MED13L: variants seen among roughly 807,000 people sequenced by gnomAD.
The protein encoded by MED13L is mediator complex subunit 13L.
A neutral mutation model predicts 220.9 loss-of-function variants in MED13L; 7 were observed. The observed-to-expected ratio is 0.03, with a 90% confidence interval of 0.02 to 0.06. The LOEUF (loss-of-function observed/expected upper bound fraction) is 0.06. Among genes scored for constraint, MED13L ranks in the 10% least tolerant of loss-of-function variants. The pLI, the probability that MED13L is intolerant of heterozygous loss-of-function variation, is 1.00. For synonymous variants in MED13L, 1,011 were observed against 1,015.2 expected (o/e 1.00, Z 0.08); for missense variants, 1,965 against 2,760.5 (o/e 0.71, Z 6.46).
At chr12:115,982,362 T>C in intron 22 of MED13L, 22 bp downstream of exon 22, 1 of 1,581,890 alleles carries the variant, frequency 6.3e-7, no homozygotes, top group Non-Finnish European at 8.7e-7. Flanking sequence ...CAAAAGTAAA[T>C]AATAAACTTG....
At chr12:116,119,710 C>A (rs1417356936) in intron 2 of MED13L, among the ~76,000 whole-genome samples, 1 of 148,370 alleles carries the variant, frequency 6.7e-6, no homozygotes, top group Non-Finnish European at 1.5e-5. Context: ...GAGGCTGAGG[C>A]AGAAGGCTCA....
chr12:116,210,792 T>C (rs953085191), intron 2 of MED13L, among the ~76,000 whole-genome samples: 33 of 151,790 alleles, frequency 2.2e-4, no homozygotes, highest in African/African-American at 7.3e-4. Flanking sequence ...TGCCTGAGTT[T>C]AGGGAAAATG....
intron 7 of MED13L, among the ~76,000 whole-genome samples, chr12:116,015,871 G>C (rs1048309890): frequency 6.6e-6 from 1 of 152,234 alleles, no homozygotes; most frequent in Non-Finnish European, 1.5e-5. Context: ...TTAGTACTAC[G>C]ACACTGAAAG....
chr12:116,003,951 C>T (rs1878897529), intron 13 of MED13L, among the ~76,000 whole-genome samples: 1 of 152,170 alleles, frequency 6.6e-6, no homozygotes, highest in African/African-American at 2.4e-5. Flanking sequence ...AAAGCAAAAA[C>T]ACTCAGAGAA....
intron 2 of MED13L, among the ~76,000 whole-genome samples, chr12:116,175,277 T>C (rs746816711): frequency 2.0e-5 from 3 of 152,152 alleles, no homozygotes; most frequent in Non-Finnish European, 4.4e-5. Context: ...ATAATTTCAA[T>C]ACATATTAAC....
intron 4 of MED13L, among the ~76,000 whole-genome samples, chr12:116,025,256 AGAG>A (rs1880318254): frequency 6.6e-6 from 1 of 152,230 alleles, no homozygotes; most frequent in Non-Finnish European, 1.5e-5. Context: ...TGCAAAGAAA[AGAG>A]GACCTTTATA....
chr12:116,259,631 A>G (rs1872346646), intron 1 of MED13L, among the ~76,000 whole-genome samples: 2 of 152,328 alleles, frequency 1.3e-5, no homozygotes, highest in Admixed American at 1.3e-4. Context: ...ATGGGTGTTC[A>G]TTGTACCATG....
At chr12:116,056,554 A>C (rs1002090433) in intron 4 of MED13L, among the ~76,000 whole-genome samples, 1 of 152,136 alleles carries the variant, frequency 6.6e-6, no homozygotes, top group African/African-American at 2.4e-5. Context: ...AAATTTCTTT[A>C]TTCATAATAG....
intron 2 of MED13L, among the ~76,000 whole-genome samples, chr12:116,165,137 G>A (rs1236217866): frequency 6.6e-6 from 1 of 151,746 alleles, no homozygotes; most frequent in African/African-American, 2.4e-5. Context: ...AACTTCGGAA[G>A]AACTGACATT....
Position 115,982,486 on chromosome 12 carries a change from C to T in MED13L, c.5073G>A (p.Glu1691=), listed in dbSNP as rs1325440223. ...GCCAAAAGTTCCCAGAAGTGGAGTC[C>T]TCCTCTGCAGCATACGTGAACGGGT... is the stretch of plus-strand genomic sequence containing the variant. ...MVDPFTYAAE[E]DSTSGNFWLL... is the part of the protein sequence containing the mutation. Residue 1691 remains glutamate (E), a synonymous_variant, in exon 22 of 31, where the codon GAG becomes GAA. Coordinates refer to ENST00000281928, the MANE Select transcript of MED13L (RefSeq NM_015335.5). 5 of 1,613,986 alleles carry T rather than the reference C, an allele frequency of 3.1e-6. No individual in the cohort carries two copies. Among genetic ancestry groups the T allele is most frequent in the Non-Finnish European group, 4.2e-6 (5 of 1,179,992 alleles).
intron 1 of MED13L, among the ~76,000 whole-genome samples, chr12:116,244,505 C>T (rs998659986): frequency 2.0e-5 from 3 of 152,108 alleles, no homozygotes; most frequent in Admixed American, 6.6e-5. Flanking sequence ...ATTTACAATA[C>T]GTAAGAAAAC....
chr12:116,040,803 A>G (rs1329529837), intron 4 of MED13L, among the ~76,000 whole-genome samples: 1 of 152,136 alleles, frequency 6.6e-6, no homozygotes, highest in Non-Finnish European at 1.5e-5. Flanking sequence ...CTCAAAAAAA[A>G]AAAAAAAATG....
intron 4 of MED13L, among the ~76,000 whole-genome samples, chr12:116,034,722 A>T (rs961463243): frequency 1.2e-4 from 18 of 152,134 alleles, no homozygotes; most frequent in Admixed American, 1.3e-4. Context: ...CCATACTAAC[A>T]GAGAAACTCA....
At chr12:116,077,023 C>T (rs939607724) in intron 4 of MED13L, among the ~76,000 whole-genome samples, 1 of 150,958 alleles carries the variant, frequency 6.6e-6, no homozygotes, top group Non-Finnish European at 1.5e-5. Flanking sequence ...CTTGAGACAC[C>T]ACGGTGACAT....
chr12:116,026,288 C>T (rs1880389044), intron 4 of MED13L, among the ~76,000 whole-genome samples: 1 of 151,752 alleles, frequency 6.6e-6, no homozygotes, highest in African/African-American at 2.4e-5. Context: ...TTGCTATGTC[C>T]CAAAACACAG....
intron 25 of MED13L, among the ~76,000 whole-genome samples, chr12:115,974,060 G>T (rs1030472934): frequency 6.6e-6 from 1 of 151,946 alleles, no homozygotes; most frequent in African/African-American, 2.4e-5. Flanking sequence ...AAAAGTACAT[G>T]GTCTAATGCA....
chr12:116,237,432 T>C (rs1870192546), intron 2 of MED13L, 36 bp downstream of exon 2: 2 of 1,471,518 alleles, frequency 1.4e-6, no homozygotes, highest in Non-Finnish European at 1.9e-6. Context: ...AAAAATATGA[T>C]GCAAATAATT....
intron 4 of MED13L, among the ~76,000 whole-genome samples, chr12:116,081,938 G>A (rs1305246556): frequency 1.3e-5 from 2 of 152,170 alleles, no homozygotes; most frequent in Non-Finnish European, 1.5e-5. Context: ...AAATGTTTGG[G>A]ATGATCTATG....
chr12:116,238,353 T>C (rs551940130), intron 1 of MED13L, among the ~76,000 whole-genome samples: 24 of 152,342 alleles, frequency 1.6e-4, no homozygotes, highest in African/African-American at 5.8e-4. Context: ...TTTACACACA[T>C]TGTAAAACAT....
Sources: gnomAD v4.1 joint callset for allele counts (sites outside exome capture counted in the v4.1 genomes callset) on GRCh38, gnomAD v4.1.1 for gene constraint, MANE v1.5 for transcripts, NCBI Gene and HGNC (gene_info 2026-07-23, HGNC 2026-07-21) for gene names.